Variants in NUP133 observed in about 807,000 individuals in gnomAD.
The protein encoded by NUP133 is nucleoporin 133.
In NUP133, 66 loss-of-function variants were observed where a neutral mutation model predicts 146.2. That is an observed-to-expected ratio of 0.45 (90% CI 0.37 to 0.55). The LOEUF is 0.55. Ranked by LOEUF, NUP133 falls within the 20% of genes least tolerant of loss-of-function variation. The pLI, the probability that NUP133 is intolerant of heterozygous loss-of-function variation, is 0.00. For synonymous variants in NUP133, 521 were observed against 498.8 expected (o/e 1.04, Z -0.59); for missense variants, 1,277 against 1,374.8 (o/e 0.93, Z 1.12).
intron 9 of NUP133, among the ~76,000 whole-genome samples, 157 bp downstream of exon 9, chr1:229,489,798 A>C (rs1661462245): frequency 6.6e-6 from 1 of 152,206 alleles, no homozygotes; most frequent in Non-Finnish European, 1.5e-5. Context: ...TTGAACCTGG[A>C]AGGGGAGACA....
intron 24 of NUP133, among the ~76,000 whole-genome samples, chr1:229,447,144 G>A (rs972035326): frequency 3.3e-5 from 5 of 152,044 alleles, no homozygotes; most frequent in African/African-American, 9.7e-5. Context: ...AAGAAAATAA[G>A]GGATGTGTAT....
Position 229,485,799 on chromosome 1 carries a change from A to T in NUP133, c.1500+572T>A, listed in dbSNP as rs549519659. Among the ~76,000 whole-genome samples the T allele has an allele frequency of 1.1e-4, 16 of 152,318 alleles. No individual in the cohort carries two copies. In the South Asian group the frequency reaches 3.3e-3, roughly 32 times the overall value. ...AGGGATGAGGAAGATAAAAAGAACT[A>T]ATGTCTGCATCATTACGTCTTTGAA... On this transcript the variant is annotated intron_variant, in intron 11 of 25. Transcript: ENST00000261396.
In NUP133 at chr1:229,508,064, T is replaced by C. The variant is rs1661991357; in HGVS notation, c.182+4A>G. ...TGCCAGACCCAACCAGGGAGATCAC[T>C]TACCGCGAGCTTAGCGAGCTACGCC... On this transcript the variant is annotated splice_donor_region_variant and intron_variant, in intron 1 of 25. Transcript: ENST00000261396. The C allele has an allele frequency of 6.7e-7, 1 of 1,486,086 alleles. No individual in the cohort carries two copies. Among genetic ancestry groups the C allele is most frequent in the African/African-American group, 1.4e-5 (1 of 69,504 alleles). 92.1% of individuals were successfully genotyped at this position (1,486,086 alleles called of 1,614,324 possible). A position where few individuals can be genotyped will look rare whatever the true frequency, so the allele number is the denominator to read the frequency against.
At chr1:229,469,884 G>A (rs1660914463) in intron 15 of NUP133, among the ~76,000 whole-genome samples, 1 of 152,150 alleles carries the variant, frequency 6.6e-6, no homozygotes, top group African/African-American at 2.4e-5. Context: ...AAATTAGCTG[G>A]GCATGGTGGC....
chr1:229,497,605 T>C (rs567931660), intron 6 of NUP133, among the ~76,000 whole-genome samples: 2 of 152,216 alleles, frequency 1.3e-5, no homozygotes, highest in Admixed American at 6.5e-5. Flanking sequence ...CTTCCTCATC[T>C]GTAAACTGGC....
chr1:229,466,580 G>C (rs1660832625), intron 16 of NUP133, 54 bp downstream of exon 16: 2 of 1,600,642 alleles, frequency 1.2e-6, no homozygotes, highest in Non-Finnish European at 1.7e-6. Context: ...CCAGTTCCTT[G>C]TCTATCCATG....
Position 229,508,287 on chromosome 1 carries a change from G to T in NUP133, c.-38C>A. ...CAGCGACTAGGACAGCGAGGGATCTGGCCGTCAGGTTGCAGCCTGGCCTGC... is the reference window on the plus strand; with the variant it reads ...CAGCGACTAGGACAGCGAGGGATCTTGCCGTCAGGTTGCAGCCTGGCCTGC... On this transcript the variant is annotated 5_prime_UTR_variant, in exon 1 of 26. Coordinates refer to ENST00000261396, the MANE Select transcript of NUP133 (RefSeq NM_018230.3). The T allele has an allele frequency of 7.2e-7, 1 of 1,389,866 alleles. No individual in the cohort carries two copies. The highest frequency in any genetic ancestry group is 9.4e-7 in the Non-Finnish European group (1 of 1,061,648). The allele number at this position is 1,389,866 out of a possible 1,614,324, so 86.1% of individuals were successfully genotyped here. A position where few individuals can be genotyped will look rare whatever the true frequency, so the allele number is the denominator to read the frequency against.
intron 24 of NUP133, among the ~76,000 whole-genome samples, chr1:229,448,520 T>C (rs1660365032): frequency 6.6e-6 from 1 of 152,172 alleles, no homozygotes. Flanking sequence ...TCATGAATAA[T>C]GCACCCCTTG....
intron 22 of NUP133, 77 bp from the exon 23 acceptor site, chr1:229,450,682 T>C (rs1172667590): frequency 4.5e-6 from 3 of 664,416 alleles, no homozygotes; most frequent in Non-Finnish European, 2.5e-6. Context: ...AGAAAAGAAG[T>C]CATTATGTCT....
intron 12 of NUP133, among the ~76,000 whole-genome samples, chr1:229,479,825 T>A (rs964297252): frequency 3.9e-5 from 6 of 152,112 alleles, no homozygotes; most frequent in Admixed American, 3.9e-4. Context: ...AGAGAGGGAA[T>A]GTGGTCGACA....
chr1:229,481,770 C>T (rs1312861773), intron 12 of NUP133, among the ~76,000 whole-genome samples: 1 of 151,832 alleles, frequency 6.6e-6, no homozygotes, highest in Admixed American at 6.6e-5. Flanking sequence ...TGGAGTGACA[C>T]ATCTACAAAC....
At chr1:229,485,658 T>C (rs1352419096) in intron 11 of NUP133, among the ~76,000 whole-genome samples, 2 of 151,886 alleles carry the variant, frequency 1.3e-5, no homozygotes, top group Admixed American at 1.3e-4. Flanking sequence ...TAGTAGAAAA[T>C]CAACAGATGC....
chr1:229,483,254 T>C (rs1026314470), intron 12 of NUP133, among the ~76,000 whole-genome samples: 2 of 152,082 alleles, frequency 1.3e-5, no homozygotes, highest in Non-Finnish European at 2.9e-5. Flanking sequence ...TGCATCACCA[T>C]GCCCGGCTAA....
At chr1:229,468,427 C>T (rs1338773150) in intron 15 of NUP133, among the ~76,000 whole-genome samples, 1 of 152,148 alleles carries the variant, frequency 6.6e-6, no homozygotes, top group Non-Finnish European at 1.5e-5. Context: ...CCCAGAGAAG[C>T]TAAAGACCAA....
At chr1:229,504,114 T>C (rs1232467963) in intron 2 of NUP133, among the ~76,000 whole-genome samples, 1 of 152,096 alleles carries the variant, frequency 6.6e-6, no homozygotes, top group Non-Finnish European at 1.5e-5. Context: ...TGAGATATAT[T>C]CCTTCTTCTA....
intron 2 of NUP133, among the ~76,000 whole-genome samples, chr1:229,503,033 C>T (rs1054406740): frequency 3.3e-5 from 5 of 151,820 alleles, no homozygotes; most frequent in African/African-American, 1.2e-4. Flanking sequence ...TTTGGGAGGC[C>T]GAGGTGGGTG....
At position 229,441,819 on chromosome 1, in the gene NUP133, C is replaced by A. The variant is rs1042050760; in HGVS notation, c.*85G>T. On this transcript the variant is annotated 3_prime_UTR_variant, in exon 26 of 26. Coordinates refer to ENST00000261396, the MANE Select transcript of NUP133 (RefSeq NM_018230.3). ...CAGCTATACATGTTATGAAATTGTA[C>A]AAACTTACACTTGTTTATGGCCTAA... 1.2e-5 allele frequency: 13 copies of A among 1,129,274 alleles called. No homozygotes were observed. The African/African-American group carries it at 2.1e-4, about 18-fold the overall frequency. 70.0% of individuals were successfully genotyped at this position (1,129,274 alleles called of 1,614,324 possible). A position where few individuals can be genotyped will look rare whatever the true frequency, so the allele number is the denominator to read the frequency against.
intron 3 of NUP133, among the ~76,000 whole-genome samples, 169 bp from the exon 4 acceptor site, chr1:229,501,032 T>C (rs1445660238): frequency 6.6e-6 from 1 of 152,230 alleles, no homozygotes; most frequent in African/African-American, 2.4e-5. Flanking sequence ...TCAGTAATTT[T>C]AAAACAAAGT....
chr1:229,496,955 C>T (rs1467334457), intron 6 of NUP133, among the ~76,000 whole-genome samples: 1 of 152,214 alleles, frequency 6.6e-6, no homozygotes, highest in Non-Finnish European at 1.5e-5. Context: ...TGTTTGAATG[C>T]ATTTGGCAGA....
Sources: allele counts gnomAD v4.1 joint callset (sites outside exome capture counted in the v4.1 genomes callset), GRCh38; gene constraint gnomAD v4.1.1; transcripts MANE v1.5; gene names NCBI Gene and HGNC (gene_info 2026-07-23, HGNC 2026-07-21).